RSRC1: variants seen among roughly 807,000 people sequenced by gnomAD.
The protein encoded by RSRC1 is arginine and serine rich coiled-coil 1.
In RSRC1, 39 loss-of-function variants were observed where a neutral mutation model predicts 49.1. That is an observed-to-expected ratio of 0.79 (90% confidence interval 0.61 to 1.04). RSRC1 has a LOEUF of 1.04. RSRC1 is among the 50% of genes least tolerant of loss of function. The probability of loss-of-function intolerance (pLI) is 0.00; values close to 1 mark genes in which losing one functional copy is unlikely to be tolerated. For missense variants in RSRC1, 388 were observed against 402.4 expected (o/e 0.96, Z 0.31); for synonymous variants, 143 against 130.8 (o/e 1.09, Z -0.63).
chr3:158,504,326 T>C (rs1021525357), intron 7 of RSRC1, among the ~76,000 whole-genome samples: 10 of 152,172 alleles, frequency 6.6e-5, no homozygotes, highest in African/African-American at 2.4e-4. Flanking sequence ...GAGCTAAAAT[T>C]CACAATGCAA....
At chr3:158,375,282 G>A (rs774265451) in intron 6 of RSRC1, among the ~76,000 whole-genome samples, 16 of 151,060 alleles carry the variant, frequency 1.1e-4, no homozygotes, top group South Asian at 8.4e-4. Flanking sequence ...CTGCAGCCTC[G>A]ACCTCCTGGA....
intron 3 of RSRC1, among the ~76,000 whole-genome samples, chr3:158,166,325 C>T (rs1468051545): frequency 6.6e-6 from 1 of 152,050 alleles, no homozygotes; most frequent in Non-Finnish European, 1.5e-5. Flanking sequence ...TTTAATGTGA[C>T]ATCCCATTAG....
At chr3:158,114,143 T>G (rs1198487147) in intron 1 of RSRC1, among the ~76,000 whole-genome samples, 1 of 152,230 alleles carries the variant, frequency 6.6e-6, no homozygotes, top group Non-Finnish European at 1.5e-5. Flanking sequence ...TACATTTAAG[T>G]CTTTAATCTA....
intron 3 of RSRC1, among the ~76,000 whole-genome samples, chr3:158,134,376 CT>C (rs1716228091): frequency 6.6e-6 from 1 of 152,012 alleles, no homozygotes; most frequent in Non-Finnish European, 1.5e-5. Context: ...GATCATCTAC[CT>C]TTACAACATG....
intron 7 of RSRC1, among the ~76,000 whole-genome samples, chr3:158,516,053 G>A (rs557928952): frequency 1.9e-4 from 29 of 152,102 alleles, no homozygotes; most frequent in African/African-American, 5.1e-4. Context: ...AATGTCCTCC[G>A]TAGCTTGGAG....
At chr3:158,154,768 T>A (rs952031613) in intron 3 of RSRC1, among the ~76,000 whole-genome samples, 1 of 152,130 alleles carries the variant, frequency 6.6e-6, no homozygotes, top group African/African-American at 2.4e-5. Context: ...GGCCAGAACT[T>A]CTTTCAAAAT....
Position 158,238,272 on chromosome 3 carries a change from G to A in RSRC1, c.494+35027G>A, listed in dbSNP as rs144228419. On this transcript the variant is annotated intron_variant, in intron 4 of 9. Coordinates refer to ENST00000611884, the MANE Select transcript of RSRC1 (RefSeq NM_001271838.2). ...GCTCATGGATAGAAGAATCAATATCGTGAAAATGGCCACACTGCCCAAGGT... is the reference window on the plus strand; with the variant it reads ...GCTCATGGATAGAAGAATCAATATCATGAAAATGGCCACACTGCCCAAGGT... Among the ~76,000 whole-genome samples the A allele has an allele frequency of 1.1e-4, 17 of 152,256 alleles. No individual in the cohort carries two copies. In the East Asian group the frequency reaches 1.2e-3, roughly 10 times the overall value.
intron 6 of RSRC1, among the ~76,000 whole-genome samples, chr3:158,359,775 C>G (rs765474513): frequency 6.6e-6 from 1 of 152,204 alleles, no homozygotes; most frequent in Non-Finnish European, 1.5e-5. Context: ...TGTGTTATAG[C>G]TCTTTTAGCT....
chr3:158,432,712 A>G (rs970212151), intron 6 of RSRC1, among the ~76,000 whole-genome samples: 2 of 151,994 alleles, frequency 1.3e-5, no homozygotes, highest in African/African-American at 4.8e-5. Context: ...AGTACTATCC[A>G]TGAAATATAA....
At chr3:158,169,034 C>A (rs960007704) in intron 3 of RSRC1, among the ~76,000 whole-genome samples, 55 of 152,064 alleles carry the variant, frequency 3.6e-4, no homozygotes, top group African/African-American at 1.3e-3. Flanking sequence ...CATTAGACTT[C>A]CTTCCCTAAG....
At chr3:158,263,503 T>C (rs903505036) in intron 4 of RSRC1, among the ~76,000 whole-genome samples, 3 of 152,162 alleles carry the variant, frequency 2.0e-5, no homozygotes, top group African/African-American at 7.2e-5. Context: ...ATAATTCCTT[T>C]GTCTGTGTTT....
At chr3:158,518,987 C>G (rs1261342301) in intron 7 of RSRC1, among the ~76,000 whole-genome samples, 1 of 152,128 alleles carries the variant, frequency 6.6e-6, no homozygotes, top group African/African-American at 2.4e-5. Context: ...TACAGGCTCT[C>G]TCTTCCGAAC....
At chr3:158,530,203 T>C (rs1712302015) in intron 7 of RSRC1, among the ~76,000 whole-genome samples, 1 of 151,976 alleles carries the variant, frequency 6.6e-6, no homozygotes. Context: ...CTTCCGTGTC[T>C]TTAGTACTGT....
intron 6 of RSRC1, among the ~76,000 whole-genome samples, chr3:158,397,120 G>C (rs1399915225): frequency 6.6e-6 from 1 of 152,060 alleles, no homozygotes; most frequent in African/African-American, 2.4e-5. Context: ...TCTTTGAATT[G>C]ATTTGCTAGT....
intron 7 of RSRC1, among the ~76,000 whole-genome samples, chr3:158,516,601 C>T (rs1740550974): frequency 6.6e-6 from 1 of 152,176 alleles, no homozygotes; most frequent in Non-Finnish European, 1.5e-5. Context: ...AGGCAGGCCT[C>T]CTTGAGCTGT....
At chr3:158,358,927 TACACACAC>T (rs71777898) in intron 6 of RSRC1, among the ~76,000 whole-genome samples, 25 of 129,054 alleles carry the variant, frequency 1.9e-4, no homozygotes, top group African/African-American at 5.0e-4. Context: ...CACACAAACA[TACACACAC>T]ACACACACAC....
At chr3:158,534,476 T>G (rs1003614951) in intron 7 of RSRC1, among the ~76,000 whole-genome samples, 5 of 151,630 alleles carry the variant, frequency 3.3e-5, no homozygotes, top group African/African-American at 1.2e-4. Context: ...AATTTTTAAG[T>G]GCCTTAGCTG....
chr3:158,210,650 C>T (rs1721623701), intron 4 of RSRC1, among the ~76,000 whole-genome samples: 1 of 151,990 alleles, frequency 6.6e-6, no homozygotes, highest in East Asian at 1.9e-4. Context: ...TTTTATATTA[C>T]AGCAAAATTT....
At chr3:158,510,074 C>T (rs1276910760) in intron 7 of RSRC1, among the ~76,000 whole-genome samples, 1 of 152,140 alleles carries the variant, frequency 6.6e-6, no homozygotes, top group East Asian at 1.9e-4. Context: ...TCTGATTGCC[C>T]CACATCCTTG....
Sources: gnomAD v4.1 joint callset for allele counts (sites outside exome capture counted in the v4.1 genomes callset) on GRCh38, gnomAD v4.1.1 for gene constraint, MANE v1.5 for transcripts, NCBI Gene and HGNC (gene_info 2026-07-23, HGNC 2026-07-21) for gene names.